CAAP1: variants seen among roughly 807,000 people sequenced by gnomAD.
The protein encoded by CAAP1 is caspase activity and apoptosis inhibitor 1.
Under a neutral mutation model 34.0 loss-of-function variants are expected in CAAP1, and 20 were observed. The ratio of observed to expected loss-of-function variants is 0.59; its 90% CI spans 0.41 to 0.86. CAAP1 has a LOEUF of 0.86. CAAP1 is among the 40% of genes least tolerant of loss of function. CAAP1 has a pLI of 0.00. For missense variants in CAAP1, 538 were observed against 450.5 expected (o/e 1.19, Z -1.76); for synonymous variants, 213 against 166.7 (o/e 1.28, Z -2.14).
chr9:26,856,133 G>GA (rs112807532), intron 5 of CAAP1, among the ~76,000 whole-genome samples: 6,481 of 151,464 alleles, frequency 0.043, 483 homozygotes, highest in African/African-American at 0.15. Context: ...TTAAAAGGGG[G>GA]GGGGTAGAAT....
intron 4 of CAAP1, among the ~76,000 whole-genome samples, chr9:26,872,010 T>C (rs1228298809): frequency 6.6e-6 from 1 of 152,186 alleles, no homozygotes; most frequent in Non-Finnish European, 1.5e-5. Context: ...GGATGGGCTA[T>C]GTAACTCTAT....
chr9:26,876,705 G>C (rs896241325), intron 4 of CAAP1, among the ~76,000 whole-genome samples: 2 of 152,068 alleles, frequency 1.3e-5, no homozygotes, highest in African/African-American at 4.8e-5. Flanking sequence ...ATATGGCCTA[G>C]GTATGTAGCA....
At chr9:26,872,966 T>C (rs749350744) in intron 4 of CAAP1, among the ~76,000 whole-genome samples, 11 of 152,196 alleles carry the variant, frequency 7.2e-5, no homozygotes, top group Admixed American at 2.0e-4. Context: ...AACACTCATA[T>C]AGAAGCTACT....
chr9:26,879,384 C>A (rs1282985919), intron 4 of CAAP1, among the ~76,000 whole-genome samples: 1 of 152,078 alleles, frequency 6.6e-6, no homozygotes, highest in Non-Finnish European at 1.5e-5. Context: ...GCTTTACGTC[C>A]CTGAATTTAC....
rs192382108 is a variant in CAAP1, at chr9:26,846,116, C to G, written c.740-3469G>C. On this transcript the variant is annotated intron_variant, in intron 5 of 5. Transcript: ENST00000333916. ...CCAATTCTTCCTTCTTTCCAAGACT[C>G]AAGAAAGAGTTACACTTACCAGCTG... Among the ~76,000 whole-genome samples the G allele has an allele frequency of 4.7e-4, 72 of 151,856 alleles. No individual in the cohort carries two copies. In the East Asian group the frequency reaches 0.012, roughly 24 times the overall value.
At chr9:26,856,572 G>A (rs977560470) in intron 5 of CAAP1, among the ~76,000 whole-genome samples, 2 of 152,170 alleles carry the variant, frequency 1.3e-5, no homozygotes, top group African/African-American at 4.8e-5. Context: ...GCCAACCATT[G>A]CTTGAATCCT....
intron 1 of CAAP1, among the ~76,000 whole-genome samples, chr9:26,888,480 C>G (rs1472392400): frequency 6.6e-6 from 1 of 152,176 alleles, no homozygotes; most frequent in Non-Finnish European, 1.5e-5. Context: ...CAGTCATTTC[C>G]TCTGGAAAAT....
intron 5 of CAAP1, among the ~76,000 whole-genome samples, chr9:26,852,662 T>C (rs1822779769): frequency 6.6e-6 from 1 of 152,190 alleles, no homozygotes; most frequent in African/African-American, 2.4e-5. Flanking sequence ...TCACAACTGA[T>C]AGGCTGTGAA....
rs888443606 is a variant in CAAP1, at chr9:26,864,724, C to G, written c.666-3585G>C. ...ATAGTATCTCTTCTTTGCTCTATCC[C>G]CATATTACTGTTTTAATGTCCTTTC... On this transcript the variant is annotated intron_variant, in intron 4 of 5. Transcript: ENST00000333916. Among the ~76,000 whole-genome samples the G allele has an allele frequency of 2.0e-5, 3 of 152,250 alleles. No homozygotes were observed. The East Asian group carries it at 5.8e-4, about 29-fold the overall frequency.
intron 5 of CAAP1, among the ~76,000 whole-genome samples, chr9:26,847,196 A>AT (rs79235459): frequency 1.6e-4 from 10 of 62,998 alleles, no homozygotes; most frequent in South Asian, 4.2e-4. Context: ...GTAAAAAGCA[A>AT]TATTTTTTTT....
chr9:26,876,397 A>G (rs866449765), intron 4 of CAAP1, among the ~76,000 whole-genome samples: 24 of 150,254 alleles, frequency 1.6e-4, no homozygotes, highest in Admixed American at 2.0e-4. Flanking sequence ...ATATTCACAG[A>G]TTCTGGGAAT....
intron 2 of CAAP1, among the ~76,000 whole-genome samples, chr9:26,887,021 C>A (rs1441021309): frequency 6.6e-6 from 1 of 152,152 alleles, no homozygotes; most frequent in Non-Finnish European, 1.5e-5. Flanking sequence ...CGAGACCAGC[C>A]TGGCCAACAC....
chr9:26,867,143 T>C (rs1387836129), intron 4 of CAAP1, among the ~76,000 whole-genome samples: 1 of 152,168 alleles, frequency 6.6e-6, no homozygotes, highest in African/African-American at 2.4e-5. Context: ...CAGCCTGGTA[T>C]CATCCTCCCC....
At chr9:26,843,415 A>G (rs1225295130) in intron 5 of CAAP1, among the ~76,000 whole-genome samples, 1 of 152,082 alleles carries the variant, frequency 6.6e-6, no homozygotes, top group Admixed American at 6.5e-5. Flanking sequence ...ACTCACTTAT[A>G]TTCCTAATTA....
chr9:26,891,115 G>A (rs978544596), intron 1 of CAAP1, among the ~76,000 whole-genome samples: 1 of 152,202 alleles, frequency 6.6e-6, no homozygotes, highest in Non-Finnish European at 1.5e-5. Context: ...GAAAAAGTAT[G>A]TGATCATCTC....
intron 4 of CAAP1, among the ~76,000 whole-genome samples, chr9:26,878,368 G>A (rs1823497683): frequency 6.6e-6 from 1 of 152,032 alleles, no homozygotes; most frequent in Non-Finnish European, 1.5e-5. Context: ...TCAATTCCTT[G>A]GCGCTCAGGT....
chr9:26,887,994 G>A (rs951438118), intron 1 of CAAP1, among the ~76,000 whole-genome samples: 1 of 152,134 alleles, frequency 6.6e-6, no homozygotes, highest in Non-Finnish European at 1.5e-5. Flanking sequence ...AAGTAACCAA[G>A]TAATTTCAGT....
At chr9:26,844,972 T>C (rs1391543093) in intron 5 of CAAP1, among the ~76,000 whole-genome samples, 2 of 152,224 alleles carry the variant, frequency 1.3e-5, no homozygotes, top group Non-Finnish European at 2.9e-5. Context: ...TTTCTTTATT[T>C]TCCCTTTTCA....
chr9:26,851,282 C>T (rs1196740786), intron 5 of CAAP1, among the ~76,000 whole-genome samples: 6 of 152,028 alleles, frequency 3.9e-5, no homozygotes, highest in South Asian at 4.1e-4. Context: ...TGATATGAGA[C>T]GGGCCTTTAA....
Sources: allele counts gnomAD v4.1 joint callset (sites outside exome capture counted in the v4.1 genomes callset), GRCh38; gene constraint gnomAD v4.1.1; transcripts MANE v1.5; gene names NCBI Gene and HGNC (gene_info 2026-07-23, HGNC 2026-07-21).